SEMA3E: variants seen among roughly 807,000 people sequenced by gnomAD.
The protein encoded by SEMA3E is semaphorin 3E.
In SEMA3E, 49 loss-of-function variants were observed where a neutral mutation model predicts 93.6. The ratio of observed to expected loss-of-function variants is 0.52; its 90% CI spans 0.42 to 0.66. SEMA3E has a LOEUF of 0.66. Ranked by LOEUF, SEMA3E falls within the 30% of genes least tolerant of loss-of-function variation. SEMA3E has a pLI of 0.00. For synonymous variants in SEMA3E, 363 were observed against 330.7 expected (o/e 1.10, Z -1.06); for missense variants, 906 against 964.8 (o/e 0.94, Z 0.81).
intron 16 of SEMA3E, among the ~76,000 whole-genome samples, chr7:83,382,467 A>G (rs746463078): frequency 6.6e-6 from 1 of 151,856 alleles, no homozygotes; most frequent in Non-Finnish European, 1.5e-5. Context: ...GATGAAGAAA[A>G]TTATGTCTAA....
chr7:83,382,064 A>G (rs918922692), intron 16 of SEMA3E, among the ~76,000 whole-genome samples: 2 of 152,010 alleles, frequency 1.3e-5, no homozygotes, highest in African/African-American at 4.8e-5. Context: ...AGCATTTTTT[A>G]GAAATTGAAT....
At chr7:83,434,709 CTTTTTTTTTTTTTT>C (rs76539180) in intron 4 of SEMA3E, among the ~76,000 whole-genome samples, 3,875 of 120,344 alleles carry the variant, frequency 0.032, 199 homozygotes, top group African/African-American at 0.11. Context: ...AACTGTATTT[CTTTTTTTTTTTTTT>C]TTTTTTTTGA....
intron 2 of SEMA3E, among the ~76,000 whole-genome samples, chr7:83,482,566 A>AAT: frequency 9.0e-6 from 1 of 110,780 alleles, no homozygotes; most frequent in African/African-American, 3.1e-5. Context: ...CTCCGTCTCA[A>AAT]AAAAAAAAAA....
intron 11 of SEMA3E, 76 bp downstream of exon 11, chr7:83,399,952 C>T: frequency 1.7e-6 from 2 of 1,184,456 alleles, no homozygotes; most frequent in South Asian, 2.4e-5. Flanking sequence ...TCGATAGGTG[C>T]TTTTAGAAAT....
chr7:83,420,040 T>C (rs557204848), intron 4 of SEMA3E, among the ~76,000 whole-genome samples: 14 of 152,236 alleles, frequency 9.2e-5, no homozygotes, highest in Non-Finnish European at 1.5e-4. Context: ...ACCTAGAAAA[T>C]TCTAAAGACT....
chr7:83,492,923 G>A (rs1015566306), intron 1 of SEMA3E, among the ~76,000 whole-genome samples: 5 of 151,906 alleles, frequency 3.3e-5, no homozygotes, highest in African/African-American at 9.7e-5. Flanking sequence ...TATAACAGGT[G>A]CGTATATTAT....
chr7:83,387,838 C>CATTATATAT (rs1433554859), intron 14 of SEMA3E, among the ~76,000 whole-genome samples: 83 of 135,624 alleles, frequency 6.1e-4, no homozygotes, highest in East Asian at 2.1e-3. Context: ...ATATATATAA[C>CATTATATAT]GTTATATATA....
At chr7:83,395,469 C>T (rs1306163332) in intron 12 of SEMA3E, among the ~76,000 whole-genome samples, 12 of 152,146 alleles carry the variant, frequency 7.9e-5, no homozygotes, top group Admixed American at 7.2e-4. Context: ...GTTGCAACCC[C>T]AATATCAAGA....
intron 4 of SEMA3E, among the ~76,000 whole-genome samples, chr7:83,454,017 G>A (rs891542313): frequency 6.6e-6 from 1 of 151,588 alleles, no homozygotes; most frequent in Non-Finnish European, 1.5e-5. Flanking sequence ...CCAGCACTTT[G>A]GGAGGCCGAG....
intron 4 of SEMA3E, among the ~76,000 whole-genome samples, chr7:83,455,765 CA>C (rs2115836871): frequency 6.6e-6 from 1 of 152,338 alleles, no homozygotes; most frequent in South Asian, 2.1e-4. Context: ...CATGTTATGA[CA>C]GGGCCGCATG....
In SEMA3E at chr7:83,367,395, A is replaced by C; in HGVS notation, c.*191T>G. The C allele has an allele frequency of 1.7e-6, 1 of 605,866 alleles. No homozygotes were observed. Among genetic ancestry groups the C allele is most frequent in the East Asian group, 2.9e-5 (1 of 34,912 alleles). 37.5% of individuals were successfully genotyped at this position (605,866 alleles called of 1,614,324 possible). ...ATTAAGCAATGCATTTATTTAAAAA[A>C]TTAGTTAATTTTATGTAAAGTTTAT... is the stretch of plus-strand genomic sequence containing the variant. On this transcript the variant is annotated 3_prime_UTR_variant, in exon 17 of 17. Coordinates refer to ENST00000643230, the MANE Select transcript of SEMA3E (RefSeq NM_012431.3).
intron 1 of SEMA3E, among the ~76,000 whole-genome samples, chr7:83,501,882 T>C (rs151006194): frequency 1.4e-3 from 211 of 152,290 alleles, no homozygotes; most frequent in African/African-American, 4.9e-3. Context: ...TTTCTTCATA[T>C]ACTGAATTGA....
At position 83,365,586 on chromosome 7, in the gene SEMA3E, G is replaced by A. The variant is rs2116888742; in HGVS notation, c.*2000C>T. On this transcript the variant is annotated 3_prime_UTR_variant, in exon 17 of 17. Coordinates refer to ENST00000643230, the MANE Select transcript of SEMA3E (RefSeq NM_012431.3). ...TGTCATAGAAAAGCTATTTTCCTCT[G>A]CCTATTGCTTCAGTTACCAAATATT... 6.6e-6 allele frequency: 1 copy of A among 152,168 alleles called. No individual in the cohort carries two copies. Among genetic ancestry groups the A allele is most frequent in the South Asian group, 2.1e-4 (1 of 4,808 alleles). 9.4% of individuals were successfully genotyped at this position (152,168 alleles called of 1,614,324 possible).
At chr7:83,398,864 A>T (rs1562763661) in intron 11 of SEMA3E, among the ~76,000 whole-genome samples, 1 of 152,186 alleles carries the variant, frequency 6.6e-6, no homozygotes, top group East Asian at 1.9e-4. Flanking sequence ...GAATCGCTTG[A>T]GCCCGGGAGG....
intron 1 of SEMA3E, among the ~76,000 whole-genome samples, chr7:83,643,652 C>T (rs964159019): frequency 1.3e-5 from 2 of 151,878 alleles, no homozygotes; most frequent in Non-Finnish European, 2.9e-5. Context: ...CAAATAATAG[C>T]ACTCTAAAAT....
intron 5 of SEMA3E, among the ~76,000 whole-genome samples, chr7:83,408,916 T>G (rs570315927): frequency 6.6e-5 from 10 of 152,332 alleles, no homozygotes; most frequent in African/African-American, 2.2e-4. Flanking sequence ...ACAGGTTTTA[T>G]ATGTCAGTCA....
chr7:83,480,990 A>G (rs1584277961), intron 2 of SEMA3E, among the ~76,000 whole-genome samples: 1 of 152,190 alleles, frequency 6.6e-6, no homozygotes, highest in Admixed American at 6.5e-5. Context: ...AACTATATTT[A>G]ATAATTGAAT....
chr7:83,624,663 A>T (rs574526704), intron 1 of SEMA3E, among the ~76,000 whole-genome samples: 1 of 152,186 alleles, frequency 6.6e-6, no homozygotes, highest in South Asian at 2.1e-4. Flanking sequence ...ATTTTCTCCC[A>T]TTATGTAGGT....
chr7:83,542,708 C>T (rs10429016), intron 1 of SEMA3E, among the ~76,000 whole-genome samples: 33,434 of 151,884 alleles, frequency 0.22, 3,838 homozygotes, highest in East Asian at 0.39. Context: ...TTGTGTTCTT[C>T]CCTTTTCCTT....
Sources: allele counts gnomAD v4.1 joint callset (sites outside exome capture counted in the v4.1 genomes callset), GRCh38; gene constraint gnomAD v4.1.1; transcripts MANE v1.5; gene names NCBI Gene and HGNC (gene_info 2026-07-23, HGNC 2026-07-21).